PDE4B: variants seen among roughly 807,000 people sequenced by gnomAD.
The protein encoded by PDE4B is phosphodiesterase 4B, also known as 3',5'-cyclic-AMP phosphodiesterase 4B.
PDE4B carries 20 observed loss-of-function variants against 82.2 expected under a neutral mutation model. That is an observed-to-expected ratio of 0.24 (90% CI 0.17 to 0.35). PDE4B has a LOEUF of 0.35. PDE4B is among the 10% of genes least tolerant of loss of function. The pLI is 1.00. For synonymous variants in PDE4B, 320 were observed against 318.9 expected, an observed-to-expected ratio of 1.00 and a Z score of -0.04; for missense variants, 655 against 907.2, an observed-to-expected ratio of 0.72 and a Z score of 3.57.
At chr1:65,801,324 C>A (rs551464268) in intron 1 of PDE4B, among the ~76,000 whole-genome samples, 2 of 152,270 alleles carry the variant, frequency 1.3e-5, no homozygotes, top group South Asian at 4.1e-4. Flanking sequence ...AAAATATAAA[C>A]CCCTTAATTG....
intron 7 of PDE4B, among the ~76,000 whole-genome samples, chr1:66,299,569 GA>G (rs1657743324): frequency 6.6e-6 from 1 of 152,062 alleles, no homozygotes; most frequent in Non-Finnish European, 1.5e-5. Context: ...TTTTCCCTTG[GA>G]TAAATACCCA....
intron 8 of PDE4B, among the ~76,000 whole-genome samples, chr1:66,352,209 TTG>T (rs1661885951): frequency 6.6e-6 from 1 of 152,156 alleles, no homozygotes; most frequent in African/African-American, 2.4e-5. Context: ...CTTCGCCATG[TTG>T]TGTGTTTTAT....
At chr1:66,221,890 A>G (rs1308437778) in intron 3 of PDE4B, among the ~76,000 whole-genome samples, 5 of 50,984 alleles carry the variant, frequency 9.8e-5, no homozygotes, top group Admixed American at 3.2e-4. Context: ...TACTGAGTGT[A>G]TTGACTTTTT....
chr1:66,067,699 T>C (rs1557537660), intron 3 of PDE4B, among the ~76,000 whole-genome samples: 1 of 151,958 alleles, frequency 6.6e-6, no homozygotes, highest in Non-Finnish European at 1.5e-5. Context: ...TTAATTAGAT[T>C]CCATTTGTCA....
chr1:66,287,438 A>G (rs1443762129), intron 7 of PDE4B, among the ~76,000 whole-genome samples: 3 of 152,156 alleles, frequency 2.0e-5, no homozygotes, highest in African/African-American at 7.2e-5. Context: ...GATGTTGAAC[A>G]CATAAAATTA....
intron 8 of PDE4B, among the ~76,000 whole-genome samples, chr1:66,341,554 G>A (rs1033805847): frequency 2.0e-5 from 3 of 152,222 alleles, no homozygotes; most frequent in African/African-American, 7.2e-5. Context: ...TTTAATTTCA[G>A]AATTTTTAAA....
chr1:65,989,124 A>G (rs988218343), intron 3 of PDE4B, among the ~76,000 whole-genome samples: 1 of 152,186 alleles, frequency 6.6e-6, no homozygotes, highest in South Asian at 2.1e-4. Context: ...TAACTATTCA[A>G]ATCCTTTAAT....
intron 1 of PDE4B, among the ~76,000 whole-genome samples, chr1:65,814,282 A>G (rs1034544670): frequency 6.6e-6 from 1 of 152,184 alleles, no homozygotes; most frequent in South Asian, 2.1e-4. Flanking sequence ...AACAATATTT[A>G]AGTCACATCA....
chr1:66,359,305 C>T (rs917836970), intron 9 of PDE4B, among the ~76,000 whole-genome samples: 5 of 152,200 alleles, frequency 3.3e-5, no homozygotes, highest in South Asian at 2.1e-4. Flanking sequence ...CTTTTTTATC[C>T]GCTTTTTGTT....
intron 1 of PDE4B, among the ~76,000 whole-genome samples, chr1:65,827,014 T>G (rs1260157152): frequency 1.3e-5 from 2 of 152,202 alleles, no homozygotes; most frequent in African/African-American, 2.4e-5. Flanking sequence ...GAAAAATTAC[T>G]GCATACATTA....
intron 8 of PDE4B, chr1:66,354,512 G>T: frequency 1.9e-6 from 2 of 1,073,862 alleles, no homozygotes; most frequent in Non-Finnish European, 2.3e-6. Context: ...AACCCCTTCG[G>T]CCACCAGGGC....
chr1:66,243,513 TA>T (rs1373799974), intron 3 of PDE4B, among the ~76,000 whole-genome samples: 1 of 152,166 alleles, frequency 6.6e-6, no homozygotes. Flanking sequence ...GATAAAGTAC[TA>T]TGGTAAAGGA....
intron 3 of PDE4B, among the ~76,000 whole-genome samples, chr1:66,128,076 T>C (rs1645861045): frequency 6.6e-6 from 1 of 152,218 alleles, no homozygotes; most frequent in African/African-American, 2.4e-5. Context: ...TTTCTAATAA[T>C]ACCATGTGTT....
intron 3 of PDE4B, among the ~76,000 whole-genome samples, chr1:65,923,937 T>C (rs1647350428): frequency 6.6e-6 from 1 of 152,054 alleles, no homozygotes; most frequent in Non-Finnish European, 1.5e-5. Flanking sequence ...CTTTCTCCTC[T>C]GCTGTTGGAT....
intron 3 of PDE4B, among the ~76,000 whole-genome samples, chr1:65,931,646 A>G (rs971876178): frequency 2.0e-5 from 3 of 152,228 alleles, no homozygotes; most frequent in Non-Finnish European, 4.4e-5. Flanking sequence ...CAACTCACAG[A>G]CAAATTCTCT....
At chr1:65,800,647 A>G (rs1414619353) in intron 1 of PDE4B, among the ~76,000 whole-genome samples, 1 of 152,236 alleles carries the variant, frequency 6.6e-6, no homozygotes, top group East Asian at 1.9e-4. Context: ...TTGTTCGACA[A>G]AACATTTGAA....
intron 3 of PDE4B, among the ~76,000 whole-genome samples, chr1:66,125,719 TA>T (rs576880883): frequency 6.7e-4 from 102 of 152,324 alleles, no homozygotes; most frequent in African/African-American, 2.4e-3. Context: ...ATGAATCCAT[TA>T]ATTCATCCAT....
At chr1:66,162,630 T>C (rs1362775841) in intron 3 of PDE4B, among the ~76,000 whole-genome samples, 1 of 151,844 alleles carries the variant, frequency 6.6e-6, no homozygotes, top group Non-Finnish European at 1.5e-5. Context: ...AATATTTGCA[T>C]ATACTTACTT....
chr1:66,295,960 A>G (rs550650342), intron 7 of PDE4B, among the ~76,000 whole-genome samples: 3 of 152,194 alleles, frequency 2.0e-5, no homozygotes, highest in African/African-American at 7.2e-5. Flanking sequence ...ACTGTCTTTC[A>G]CTTCCTTCAC....
Sources: allele counts gnomAD v4.1 joint callset (sites outside exome capture counted in the v4.1 genomes callset), GRCh38; gene constraint gnomAD v4.1.1; transcripts MANE v1.5; gene names NCBI Gene and HGNC (gene_info 2026-07-23, HGNC 2026-07-21).